LYZ: variants seen among roughly 807,000 people sequenced by gnomAD.
LYZ encodes the protein lysozyme C.
Under a neutral mutation model 15.8 loss-of-function variants are expected in LYZ, and 18 were observed. That is an observed-to-expected ratio of 1.14 (90% CI 0.79 to 1.69). The LOEUF (loss-of-function observed/expected upper bound fraction) is 1.69, where lower values mean the gene tolerates loss of function less well. Among genes scored for constraint, LYZ ranks in the 40% most tolerant of loss-of-function variants. The probability of loss-of-function intolerance (pLI) is 0.00; values close to 1 mark genes in which losing one functional copy is unlikely to be tolerated. For synonymous variants in LYZ, 60 were observed against 61.7 expected (o/e 0.97, Z 0.13); for missense variants, 139 against 182.8 (o/e 0.76, Z 1.38).
chr12:69,349,962 A>G, intron 1 of LYZ, 146 bp from the exon 2 acceptor site: 3 of 685,708 alleles, frequency 4.4e-6, no homozygotes, highest in South Asian at 3.6e-5. Context: ...TTATCTTAAC[A>G]CTAAAGTGCT....
intron 1 of LYZ, 132 bp downstream of exon 1, chr12:69,348,676 CT>C: frequency 9.0e-7 from 1 of 1,108,414 alleles, no homozygotes; most frequent in African/African-American, 1.6e-5. Context: ...CTTACAATGG[CT>C]AAAAACATCA....
intron 3 of LYZ, among the ~76,000 whole-genome samples, chr12:69,352,630 T>C (rs1195556296): frequency 6.6e-6 from 1 of 152,154 alleles, no homozygotes; most frequent in Non-Finnish European, 1.5e-5. Flanking sequence ...TCCCAGCACT[T>C]TGGGAGACCG....
chr12:69,353,151 A>T lies in LYZ; in HGVS notation c.381-2A>T, dbSNP rs1396942169. The T allele has an allele frequency of 1.2e-6, 2 of 1,611,808 alleles. No homozygotes were observed. The highest frequency in any genetic ancestry group is 2.7e-5 in the African/African-American group (2 of 74,886). On this transcript the variant is annotated splice_acceptor_variant, in intron 3 of 3. Transcript: ENST00000261267. LOFTEE classifies it high-confidence loss of function. ...CACCATTTGCTTCATCTTTTTCTAC[A>T]GGGTGGCATGGAGAAATCGTTGTCA... is the stretch of plus-strand genomic sequence containing the variant.
chr12:69,350,243 C>G lies in LYZ; in HGVS notation c.272C>G (p.Ala91Gly), dbSNP rs776898103. The G allele has an allele frequency of 2.7e-5, 44 of 1,613,968 alleles. No individual in the cohort carries two copies. Among genetic ancestry groups the G allele is most frequent in the Non-Finnish European group, 3.4e-5 (40 of 1,180,006 alleles). The change falls in exon 2 of 4, where the codon GCA becomes GGA. Residue 91 changes from alanine to glycine, a missense_variant. Coordinates refer to ENST00000261267, the MANE Select transcript of LYZ (RefSeq NM_000239.3). Reference protein sequence around the residue: ...YWCNDGKTPGAVNACHLSCSA... With the variant: ...YWCNDGKTPGGVNACHLSCSA... ...TGTAATGATGGCAAAACCCCAGGAG[C>G]AGTTAATGCCTGTCATTTATCCTGC...
intron 1 of LYZ, 108 bp from the exon 2 acceptor site, chr12:69,350,000 C>T: frequency 1.1e-6 from 1 of 901,922 alleles, no homozygotes; most frequent in Non-Finnish European, 1.8e-6. Flanking sequence ...AATCTTTATA[C>T]TTATAAAACA....
intron 2 of LYZ, among the ~76,000 whole-genome samples, chr12:69,350,737 C>CTTTTTTTTTTTTTTTTTTTTTTTTTTTT (rs60163961): frequency 3.8e-5 from 1 of 26,016 alleles, no homozygotes; most frequent in African/African-American, 1.0e-4. Flanking sequence ...TCTTCTATGC[C>CTTTTTTTTTTTTTTTTTTTTTTTTTTTT]TTTTTTTTTT....
Position 69,350,134 on chromosome 12 carries a change from G to A in LYZ, c.163G>A (p.Gly55Ser). 6.2e-7 allele frequency: 1 copy of A among 1,614,086 alleles called. No individual in the cohort carries two copies. The highest frequency in any genetic ancestry group is 8.5e-7 in the Non-Finnish European group (1 of 1,180,008). Residue 55 changes from glycine to serine, a missense_variant, in exon 2 of 4, where the codon GGT becomes AGT. Gly to Ser is a moderately conservative substitution (Grantham distance 56). Coordinates refer to ENST00000261267, the MANE Select transcript of LYZ (RefSeq NM_000239.3). Reference protein sequence around the residue: ...NWMCLAKWESGYNTRATNYNA... With the variant: ...NWMCLAKWESSYNTRATNYNA... ...GATGTGTTTGGCCAAATGGGAGAGT[G>A]GTTACAACACACGAGCTACAAACTA...
At position 69,353,197 on chromosome 12, in the gene LYZ, A is replaced by T. The variant is rs1874881583; in HGVS notation, c.425A>T (p.Tyr142Phe). The change falls in exon 4 of 4, where the codon TAT (tyrosine) becomes TTT (phenylalanine). Residue 142 changes from tyrosine (Y) to phenylalanine (F), a missense_variant. By Grantham distance (22) the Tyr-to-Phe change is conservative. Transcript: ENST00000261267. The part of the protein sequence containing the change: ...NRCQNRDVRQ[Y>F]VQGCGV Reference sequence around the variant, plus strand: ...TGTCAAAACAGAGATGTCCGTCAGTATGTTCAAGGTTGTGGAGTGTAACTC... The same window carrying T: ...TGTCAAAACAGAGATGTCCGTCAGTTTGTTCAAGGTTGTGGAGTGTAACTC... 6.2e-7 allele frequency: 1 copy of T among 1,614,100 alleles called. No homozygotes were observed. The highest frequency in any genetic ancestry group is 8.5e-7 in the Non-Finnish European group (1 of 1,179,958).
intron 2 of LYZ, among the ~76,000 whole-genome samples, chr12:69,351,082 A>C (rs11177605): frequency 0.015 from 2,331 of 152,222 alleles, 18 homozygotes; most frequent in Non-Finnish European, 0.021. Flanking sequence ...CTGCTGAGAG[A>C]CTTTTAAGTG....
At chr12:69,350,548 G>A (rs1874820463) in intron 2 of LYZ, 1 of 375,216 alleles carries the variant, frequency 2.7e-6, no homozygotes, top group Non-Finnish European at 4.9e-6. Context: ...CAATGCCATT[G>A]CTCCTGCTTA....
At chr12:69,349,743 A>G (rs1874799681) in intron 1 of LYZ, among the ~76,000 whole-genome samples, 1 of 152,212 alleles carries the variant, frequency 6.6e-6, no homozygotes, top group South Asian at 2.1e-4. Context: ...TTTTTCCATC[A>G]GCCTATGTAT....
chr12:69,353,848 A>C lies in LYZ; in HGVS notation c.*629A>C, dbSNP rs1399593686. The C allele has an allele frequency of 3.9e-5, 6 of 152,856 alleles. No homozygotes were observed. The highest frequency in any genetic ancestry group is 8.8e-5 in the Non-Finnish European group (6 of 68,532). The allele number at this position is 152,856 out of a possible 1,614,324, so 9.5% of individuals were successfully genotyped here. A position where few individuals can be genotyped will look rare whatever the true frequency, so the allele number is the denominator to read the frequency against. The stretch of plus-strand genomic sequence containing the variant: ...AATCTTGAATGATACGATTATGCCC[A>C]ATATTAAGTAAAAAATATAAGAAAA... On this transcript the variant is annotated 3_prime_UTR_variant, in exon 4 of 4. Transcript: ENST00000261267.
chr12:69,353,530 C>T lies in LYZ; in HGVS notation c.*311C>T. On this transcript the variant is annotated 3_prime_UTR_variant, in exon 4 of 4. Coordinates refer to ENST00000261267, the MANE Select transcript of LYZ (RefSeq NM_000239.3). Reference sequence around the variant, plus strand: ...TTTTGAGACAGTCTCGCTCTGTCGCCCAGGCTGGAGTGCAGTGGCGCAATC... The same window carrying T: ...TTTTGAGACAGTCTCGCTCTGTCGCTCAGGCTGGAGTGCAGTGGCGCAATC... The T allele has an allele frequency of 3.7e-6, 1 of 273,158 alleles. No homozygotes were observed. Among genetic ancestry groups the T allele is most frequent in the South Asian group, 3.9e-5 (1 of 25,458 alleles). 16.9% of individuals were successfully genotyped at this position (273,158 alleles called of 1,614,324 possible). A position where few individuals can be genotyped will look rare whatever the true frequency, so the allele number is the denominator to read the frequency against.
intron 3 of LYZ, among the ~76,000 whole-genome samples, chr12:69,352,689 C>T (rs931537979): frequency 1.3e-5 from 2 of 152,182 alleles, no homozygotes; most frequent in Non-Finnish European, 2.9e-5. Flanking sequence ...GCCTGCCTAA[C>T]ATGGCAAAAC....
intron 1 of LYZ, 99 bp from the exon 2 acceptor site, chr12:69,350,009 C>A: frequency 2.1e-6 from 2 of 970,982 alleles, no homozygotes; most frequent in Non-Finnish European, 3.3e-6. Context: ...ACTTATAAAA[C>A]AAATCAGTAA....
At chr12:69,351,148 A>C (rs1163686629) in intron 2 of LYZ, among the ~76,000 whole-genome samples, 1 of 152,146 alleles carries the variant, frequency 6.6e-6, no homozygotes, top group Non-Finnish European at 1.5e-5. Flanking sequence ...ATCTTCAAAA[A>C]ATACAGTTCC....
Position 69,353,195 on chromosome 12 carries a change from G to C in LYZ, c.423G>C (p.Gln141His), listed in dbSNP as rs769954942. The C allele has an allele frequency of 6.8e-6, 11 of 1,613,984 alleles. No individual in the cohort carries two copies. The highest frequency in any genetic ancestry group is 7.6e-6 in the Non-Finnish European group (9 of 1,179,962). ...RNRCQNRDVRQYVQGCGV is the reference protein window; with the variant it reads ...RNRCQNRDVRHYVQGCGV ...GTTGTCAAAACAGAGATGTCCGTCA[G>C]TATGTTCAAGGTTGTGGAGTGTAAC... The change falls in exon 4 of 4, where the codon CAG becomes CAC. Residue 141 changes from glutamine (Q) to histidine (H), a missense_variant. Physicochemically the swap from Gln to His is conservative, Grantham distance 24 (BLOSUM62 0). Transcript: ENST00000261267.
chr12:69,353,056 T>C, intron 3 of LYZ, 97 bp from the exon 4 acceptor site: 4 of 838,554 alleles, frequency 4.8e-6, no homozygotes, highest in Non-Finnish European at 6.3e-6. Flanking sequence ...TTTTATCTAT[T>C]GATAAAATAT....
At position 69,353,775 on chromosome 12, in the gene LYZ, A is replaced by G. The variant is rs1463981698; in HGVS notation, c.*556A>G. On this transcript the variant is annotated 3_prime_UTR_variant, in exon 4 of 4. Transcript: ENST00000261267. ...AGTGCTGGGATTACAGGCGTGAGCC[A>G]CTGCGCCCGGCCACATTCAGTTCTT... The G allele has an allele frequency of 6.2e-6, 1 of 160,410 alleles. No individual in the cohort carries two copies. The highest frequency in any genetic ancestry group is 2.4e-5 in the African/African-American group (1 of 41,490). 9.9% of individuals were successfully genotyped at this position (160,410 alleles called of 1,614,324 possible).
Sources: gnomAD v4.1 joint callset for allele counts (sites outside exome capture counted in the v4.1 genomes callset) on GRCh38, gnomAD v4.1.1 for gene constraint, MANE v1.5 for transcripts, NCBI Gene and HGNC (gene_info 2026-07-23, HGNC 2026-07-21) for gene names.